Variants in ADCY9 observed in about 807,000 individuals in gnomAD.
ADCY9 encodes the protein adenylate cyclase 9.
Under a neutral mutation model 101.5 loss-of-function variants are expected in ADCY9, and 50 were observed. That is an observed-to-expected ratio of 0.49 (90% CI 0.39 to 0.62). The LOEUF is 0.62. Ranked by LOEUF, ADCY9 falls within the 20% of genes least tolerant of loss-of-function variation. ADCY9 has a pLI of 0.00. For missense variants in ADCY9, 1,662 were observed against 1,800.4 expected, an observed-to-expected ratio of 0.92 and a Z score of 1.39; for synonymous variants, 905 against 769.3, an observed-to-expected ratio of 1.18 and a Z score of -2.92.
At chr16:3,969,008 G>C (rs948894838) in intron 10 of ADCY9, among the ~76,000 whole-genome samples, 3 of 152,148 alleles carry the variant, frequency 2.0e-5, no homozygotes, top group African/African-American at 7.2e-5. Context: ...ACCATGCCCA[G>C]ATTATTTTTG....
chr16:4,115,405 T>G lies in ADCY9; in HGVS notation c.38A>C (p.His13Pro). ...SPPHQQLLHH[H>P]STEVSCDSSG... is the part of the protein sequence containing the mutation. ...GGAGTCGCAGCTCACCTCGGTGCTG[T>G]GGTGATGCAGCAGCTGCTGGTGGGG... The change falls in exon 2 of 11, where the codon CAC (histidine) becomes CCC (proline). Residue 13 changes from histidine to proline, a missense_variant. By Grantham distance (77) the His-to-Pro change is moderately conservative. This residue lies in a region of ADCY9 where 422 missense variants were observed against 392.0 expected (regional missense o/e 1.08). Transcript: ENST00000294016. This position sits in a 1 kb window ranked among gnomAD's most constrained non-coding sequence, Gnocchi z 6.2. The G allele has an allele frequency of 6.3e-7, 1 of 1,582,546 alleles. No individual in the cohort carries two copies. The highest frequency in any genetic ancestry group is 8.6e-7 in the Non-Finnish European group (1 of 1,165,004).
At chr16:3,967,619 G>A (rs1362519236) in intron 10 of ADCY9, among the ~76,000 whole-genome samples, 1 of 151,004 alleles carries the variant, frequency 6.6e-6, no homozygotes, top group East Asian at 2.0e-4. Flanking sequence ...TCTTAAACTC[G>A]TAACTTCAAG....
At chr16:4,073,146 ATGCAG>A (rs2056845612) in intron 2 of ADCY9, among the ~76,000 whole-genome samples, 1 of 152,068 alleles carries the variant, frequency 6.6e-6, no homozygotes, top group African/African-American at 2.4e-5. Flanking sequence ...CCAGGCTGGA[ATGCAG>A]TGACGTGATC....
rs562080057 is a variant in ADCY9 at position 4,050,674 on chromosome 16, C to G, written c.1694-43116G>C. On this transcript the variant is annotated intron_variant, in intron 2 of 10. Coordinates refer to ENST00000294016, the MANE Select transcript of ADCY9 (RefSeq NM_001116.4). The stretch of plus-strand genomic sequence containing the variant: ...GTTGCGGTGAGCCAAGTTCCTGCCA[C>G]TGCATGCCAGTCTTGGCAACAAGAG... Among the ~76,000 whole-genome samples, 55 of 124,206 alleles carry G rather than the reference C, an allele frequency of 4.4e-4. No individual in the cohort carries two copies. In the South Asian group the frequency reaches 0.014, roughly 31 times the overall value. The allele number at this position is 124,206 out of a possible 152,430, so 81.5% of individuals were successfully genotyped here. A position where few individuals can be genotyped will look rare whatever the true frequency, so the allele number is the denominator to read the frequency against.
chr16:3,993,561 A>G (rs2141704856), intron 3 of ADCY9, 51 bp from the exon 4 acceptor site: 1 of 1,600,232 alleles, frequency 6.2e-7, no homozygotes, highest in Non-Finnish European at 8.6e-7. Context: ...CGCGACTGCC[A>G]CCCTGAATTC....
chr16:4,011,442 G>C (rs910523064), intron 2 of ADCY9, among the ~76,000 whole-genome samples: 1 of 152,156 alleles, frequency 6.6e-6, no homozygotes, highest in African/African-American at 2.4e-5. Flanking sequence ...CCAGGGAGCC[G>C]GTGGAAATGC....
At chr16:4,019,707 G>C (rs913216120) in intron 2 of ADCY9, among the ~76,000 whole-genome samples, 1 of 152,198 alleles carries the variant, frequency 6.6e-6, no homozygotes, top group African/African-American at 2.4e-5. Context: ...AGATGGAAGT[G>C]GGCAGAAAGC....
intron 2 of ADCY9, among the ~76,000 whole-genome samples, chr16:4,069,213 T>C (rs564930712): frequency 6.6e-6 from 1 of 152,236 alleles, no homozygotes; most frequent in East Asian, 1.9e-4. Context: ...TTTTTCATCT[T>C]TACGAATCAA....
intron 2 of ADCY9, among the ~76,000 whole-genome samples, chr16:4,046,906 A>T (rs1360954924): frequency 6.6e-6 from 1 of 152,022 alleles, no homozygotes; most frequent in African/African-American, 2.4e-5. Flanking sequence ...GCTACTTGGG[A>T]GGCTGAGGTA....
intron 2 of ADCY9, among the ~76,000 whole-genome samples, chr16:4,081,391 A>AC (rs1230151253): frequency 6.6e-6 from 1 of 152,188 alleles, no homozygotes; most frequent in Non-Finnish European, 1.5e-5. Context: ...CGCACAGGAG[A>AC]CCCTCTGTCA....
intron 2 of ADCY9, among the ~76,000 whole-genome samples, chr16:4,027,982 C>A (rs2056529398): frequency 6.6e-6 from 1 of 152,162 alleles, no homozygotes; most frequent in East Asian, 1.9e-4. Context: ...TTACCTCCCA[C>A]TGGGTCCCTC....
intron 2 of ADCY9, among the ~76,000 whole-genome samples, chr16:4,023,043 C>G (rs2056488673): frequency 6.6e-6 from 1 of 152,150 alleles, no homozygotes; most frequent in Non-Finnish European, 1.5e-5. Flanking sequence ...CAACGGTGGT[C>G]CATCTGCAAA....
At chr16:4,110,073 A>G (rs1035978369) in intron 2 of ADCY9, among the ~76,000 whole-genome samples, 2 of 152,176 alleles carry the variant, frequency 1.3e-5, no homozygotes, top group African/African-American at 4.8e-5. Flanking sequence ...CAGCTCCAGC[A>G]GGAGCCCCCT....
At chr16:4,023,073 G>A (rs1360241326) in intron 2 of ADCY9, among the ~76,000 whole-genome samples, 1 of 152,210 alleles carries the variant, frequency 6.6e-6, no homozygotes, top group African/African-American at 2.4e-5. Context: ...GATCAAGGAA[G>A]GGCAGAACAA....
chr16:4,043,019 C>A (rs2056637835), intron 2 of ADCY9, among the ~76,000 whole-genome samples: 1 of 151,876 alleles, frequency 6.6e-6, no homozygotes, highest in Non-Finnish European at 1.5e-5. Flanking sequence ...ATCACGAGGT[C>A]AGGAGATCGA....
chr16:4,071,637 A>G (rs1192854619), intron 2 of ADCY9, among the ~76,000 whole-genome samples: 1 of 152,098 alleles, frequency 6.6e-6, no homozygotes, highest in Non-Finnish European at 1.5e-5. Flanking sequence ...AGCCTTAACC[A>G]TTGTTTGTGA....
At chr16:4,034,294 C>T (rs774238468) in intron 2 of ADCY9, among the ~76,000 whole-genome samples, 2 of 152,178 alleles carry the variant, frequency 1.3e-5, no homozygotes, top group Non-Finnish European at 2.9e-5. Flanking sequence ...TCTTTTCAAC[C>T]GTACTTAACT....
intron 2 of ADCY9, among the ~76,000 whole-genome samples, chr16:4,049,389 G>A (rs975429818): frequency 6.6e-6 from 1 of 152,094 alleles, no homozygotes; most frequent in Non-Finnish European, 1.5e-5. Context: ...ACCCACCACC[G>A]ACACTGGCAC....
chr16:3,982,513 GCGAGCCCCCTCAGGGAGCCAGGCT>G (rs2056152568), intron 7 of ADCY9: 2 of 152,304 alleles, frequency 1.3e-5, no homozygotes, highest in Non-Finnish European at 2.9e-5. Context: ...CAGAGCCGCT[GCGAGCCCCCTCAGGGAGCCAGGCT>G]GGTCCCGAGG....
Sources: gnomAD v4.1 joint callset for allele counts (sites outside exome capture counted in the v4.1 genomes callset) on GRCh38, gnomAD v4.1.1 for gene constraint, gnomAD v4.1.1 regional missense constraint, Gnocchi (gnomAD v3.1) non-coding constraint, MANE v1.5 for transcripts, NCBI Gene and HGNC (gene_info 2026-07-23, HGNC 2026-07-21) for gene names.